GABRA1: variants seen among roughly 807,000 people sequenced by gnomAD.
The protein encoded by GABRA1 is gamma-aminobutyric acid receptor subunit alpha-1.
Under a neutral mutation model 48.9 loss-of-function variants are expected in GABRA1, and 9 were observed. The observed-to-expected ratio is 0.18, with a 90% CI of 0.11 to 0.32. The LOEUF is 0.32. GABRA1 is among the 10% of genes least tolerant of loss of function. GABRA1 has a pLI of 1.00. For synonymous variants in GABRA1, 210 were observed against 198.7 expected (o/e 1.06, Z -0.48); for missense variants, 285 against 553.8 (o/e 0.51, Z 4.87).
chr5:161,879,135 G>T (rs912609971), intron 6 of GABRA1, among the ~76,000 whole-genome samples: 1 of 152,072 alleles, frequency 6.6e-6, no homozygotes, highest in African/African-American at 2.4e-5. Flanking sequence ...TTGAGACAGG[G>T]TCTCTCTCTG....
intron 9 of GABRA1, 99 bp from the exon 10 acceptor site, chr5:161,897,012 C>T (rs554806701): frequency 2.0e-6 from 2 of 1,013,548 alleles, no homozygotes; most frequent in East Asian, 2.4e-5. Flanking sequence ...AAATAAGGCA[C>T]AGATTTAGGC....
At chr5:161,863,518 TC>T in intron 3 of GABRA1, among the ~76,000 whole-genome samples, 1 of 152,050 alleles carries the variant, frequency 6.6e-6, no homozygotes, top group Middle Eastern at 3.4e-3. Flanking sequence ...GATAGAGAGC[TC>T]AATTATCACC....
At chr5:161,883,699 T>TA (rs555218847) in intron 7 of GABRA1, among the ~76,000 whole-genome samples, 45 of 152,062 alleles carry the variant, frequency 3.0e-4, no homozygotes, top group Non-Finnish European at 5.0e-4. Flanking sequence ...GGAGTGGTGA[T>TA]AAAAAAAACT....
Position 161,880,235 on chromosome 5 carries a change from G to C in GABRA1, c.560-2323G>C, listed in dbSNP as rs368995760. Among the ~76,000 whole-genome samples the C allele has an allele frequency of 1.1e-3, 170 of 152,090 alleles. 1 individual carries two copies. Among genetic ancestry groups the C allele is most frequent in the African/African-American group, 4.0e-3 (166 of 41,494 alleles). On this transcript the variant is annotated intron_variant, in intron 6 of 9. Coordinates refer to ENST00000393943, the MANE Select transcript of GABRA1 (RefSeq NM_001127644.2). ...GCAATTAAACTCTATGACTTTTGAG[G>C]CATTTGCAAATTGAACATTCAATCA...
intron 7 of GABRA1, among the ~76,000 whole-genome samples, chr5:161,887,267 G>A (rs913828089): frequency 6.6e-6 from 1 of 152,136 alleles, no homozygotes; most frequent in Non-Finnish European, 1.5e-5. Flanking sequence ...GTCTCTGCAT[G>A]AGTTGATGTA....
chr5:161,864,625 G>A (rs1312850612), intron 3 of GABRA1, among the ~76,000 whole-genome samples: 1 of 151,668 alleles, frequency 6.6e-6, no homozygotes, highest in Non-Finnish European at 1.5e-5. Context: ...ATAAATATTT[G>A]TACATGGCTA....
At position 161,897,628 on chromosome 5, in the gene GABRA1, G is replaced by C; in HGVS notation, c.*206G>C. ...GCAGCTTGGAGACAGGATTCTGACA[G>C]AGCAAGCGAAAGAGCAAAGTCATGT... is the stretch of plus-strand genomic sequence containing the variant. On this transcript the variant is annotated 3_prime_UTR_variant, in exon 10 of 10. Coordinates refer to ENST00000393943, the MANE Select transcript of GABRA1 (RefSeq NM_001127644.2). The C allele has an allele frequency of 1.8e-6, 1 of 570,832 alleles. No individual in the cohort carries two copies. The highest frequency in any genetic ancestry group is 3.1e-6 in the Non-Finnish European group (1 of 326,214). 35.4% of individuals were successfully genotyped at this position (570,832 alleles called of 1,614,324 possible). A position where few individuals can be genotyped will look rare whatever the true frequency, so the allele number is the denominator to read the frequency against.
At chr5:161,885,375 C>T (rs762057373) in intron 7 of GABRA1, among the ~76,000 whole-genome samples, 33 of 152,226 alleles carry the variant, frequency 2.2e-4, no homozygotes, top group South Asian at 4.1e-4. Context: ...CTTCCTGTTT[C>T]TGTCAGAAGA....
chr5:161,882,447 C>T, intron 6 of GABRA1, 111 bp from the exon 7 acceptor site: 3 of 1,026,368 alleles, frequency 2.9e-6, no homozygotes, highest in Non-Finnish European at 4.5e-6. Context: ...CTTTCCTAGC[C>T]TGCCCTCTGG....
intron 7 of GABRA1, among the ~76,000 whole-genome samples, chr5:161,883,368 C>T (rs538712177): frequency 1.1e-3 from 160 of 152,266 alleles, no homozygotes; most frequent in African/African-American, 3.8e-3. Context: ...TTTACTAATT[C>T]TATACTCAGA....
chr5:161,886,348 GT>G (rs11352367), intron 7 of GABRA1, among the ~76,000 whole-genome samples: 61,708 of 147,102 alleles, frequency 0.42, 13,106 homozygotes, highest in African/African-American at 0.51. Context: ...AATTTTTATG[GT>G]TTTTTTTTTT....
At chr5:161,882,432 C>T in intron 6 of GABRA1, 126 bp from the exon 7 acceptor site, 1 of 883,598 alleles carries the variant, frequency 1.1e-6, no homozygotes, top group East Asian at 2.6e-5. Flanking sequence ...GGGACATAAG[C>T]TCATCTTTCC....
Position 161,875,279 on chromosome 5 carries a change from T to A in GABRA1, c.477-281T>A, listed in dbSNP as rs1754296875. 2.6e-5 allele frequency among the ~76,000 whole-genome samples: 4 copies of A among 152,140 alleles called. No homozygotes were observed. The South Asian group carries it at 8.3e-4, about 31-fold the overall frequency. On this transcript the variant is annotated intron_variant, in intron 5 of 9. Coordinates refer to ENST00000393943, the MANE Select transcript of GABRA1 (RefSeq NM_001127644.2). Reference sequence around the variant, plus strand: ...TCTCAAACCATTTGCTATAGCTGAGTGGATTAATTAATGGTCGTTTTGGAA... The same window carrying A: ...TCTCAAACCATTTGCTATAGCTGAGAGGATTAATTAATGGTCGTTTTGGAA...
intron 8 of GABRA1, among the ~76,000 whole-genome samples, chr5:161,892,681 A>G (rs1410101729): frequency 6.6e-6 from 1 of 151,800 alleles, no homozygotes; most frequent in Non-Finnish European, 1.5e-5. Flanking sequence ...AAACAAACAA[A>G]CAAACAAACA....
intron 6 of GABRA1, among the ~76,000 whole-genome samples, chr5:161,876,974 G>A (rs1034365219): frequency 1.3e-5 from 2 of 152,064 alleles, no homozygotes; most frequent in Non-Finnish European, 2.9e-5. Flanking sequence ...TTGCTCTGTT[G>A]CCATGGCTGG....
At chr5:161,858,279 A>T (rs1474573379) in intron 3 of GABRA1, among the ~76,000 whole-genome samples, 2 of 151,662 alleles carry the variant, frequency 1.3e-5, no homozygotes, top group Non-Finnish European at 3.0e-5. Context: ...TTCCTAAAAA[A>T]TTAAATAATG....
chr5:161,882,412 T>C, intron 6 of GABRA1, 146 bp from the exon 7 acceptor site: 1 of 730,398 alleles, frequency 1.4e-6, no homozygotes, highest in East Asian at 2.7e-5. Context: ...TTTTAGTTTT[T>C]GTAAATTAAG....
chr5:161,873,758 G>A (rs906223632), intron 5 of GABRA1, among the ~76,000 whole-genome samples: 1 of 152,130 alleles, frequency 6.6e-6, no homozygotes, highest in African/African-American at 2.4e-5. Flanking sequence ...ACAGATTCAT[G>A]TAGACATAGG....
chr5:161,868,336 C>T (rs192174878), intron 4 of GABRA1, among the ~76,000 whole-genome samples: 61 of 152,108 alleles, frequency 4.0e-4, no homozygotes, highest in African/African-American at 1.3e-3. Context: ...CATGGAAGAG[C>T]ACAGGAGAAT....
Sources: gnomAD v4.1 joint callset for allele counts (sites outside exome capture counted in the v4.1 genomes callset) on GRCh38, gnomAD v4.1.1 for gene constraint, MANE v1.5 for transcripts, NCBI Gene and HGNC (gene_info 2026-07-23, HGNC 2026-07-21) for gene names.